NDC1: variants seen among roughly 807,000 people sequenced by gnomAD.
NDC1 encodes the protein NDC1 transmembrane nucleoporin.
In NDC1, 24 loss-of-function variants were observed where a neutral mutation model predicts 89.8. The observed-to-expected ratio is 0.27, with a 90% confidence interval of 0.19 to 0.38. The LOEUF (loss-of-function observed/expected upper bound fraction) is 0.38. Ranked by LOEUF, NDC1 falls within the 10% of genes least tolerant of loss-of-function variation. The probability of loss-of-function intolerance (pLI) is 1.00; values close to 1 mark genes in which losing one functional copy is unlikely to be tolerated. For synonymous variants in NDC1, 296 were observed against 284.8 expected, an observed-to-expected ratio of 1.04 and a Z score of -0.39; for missense variants, 728 against 797.6, an observed-to-expected ratio of 0.91 and a Z score of 1.05.
chr1:53,804,122 GA>G (rs903966869), intron 9 of NDC1, 113 bp from the exon 10 acceptor site: 1,647 of 703,646 alleles, frequency 2.3e-3, no homozygotes, highest in East Asian at 2.7e-3. Flanking sequence ...ACTTTTTCAT[GA>G]AAAAAAAAAT....
chr1:53,824,990 A>G (rs1648797671), intron 5 of NDC1, among the ~76,000 whole-genome samples: 1 of 151,864 alleles, frequency 6.6e-6, no homozygotes, highest in African/African-American at 2.4e-5. Flanking sequence ...CCTGGGCAAC[A>G]TGGAGAAACC....
rs1425903015 is a variant in NDC1, at chr1:53,817,933, T to G, written c.703+1038A>C. Among the ~76,000 whole-genome samples, 3 of 152,196 alleles carry G rather than the reference T, an allele frequency of 2.0e-5. No homozygotes were observed. In the South Asian group the frequency reaches 6.2e-4, roughly 32 times the overall value. On this transcript the variant is annotated intron_variant, in intron 6 of 17. Coordinates refer to ENST00000371429, the MANE Select transcript of NDC1 (RefSeq NM_018087.5). Reference sequence around the variant, plus strand: ...CTATTCATGATACTAAATAATAAACTGATTTTTGTGCTTAATATTCATGTT... The same window carrying G: ...CTATTCATGATACTAAATAATAAACGGATTTTTGTGCTTAATATTCATGTT...
intron 16 of NDC1, among the ~76,000 whole-genome samples, chr1:53,782,218 T>C (rs1397131520): frequency 2.0e-5 from 3 of 152,108 alleles, no homozygotes; most frequent in Admixed American, 6.6e-5. Context: ...ATGGTAGTTA[T>C]AAGAGCAGAG....
intron 16 of NDC1, among the ~76,000 whole-genome samples, chr1:53,779,974 G>A (rs928973635): frequency 6.6e-6 from 1 of 151,990 alleles, no homozygotes; most frequent in African/African-American, 2.4e-5. Context: ...TTCTCCAGGA[G>A]CCATTAATTA....
rs533278865 is a variant in NDC1 at position 53,796,120 on chromosome 1, C to T, written c.1584+569G>A. Among the ~76,000 whole-genome samples the T allele has an allele frequency of 2.0e-5, 3 of 152,330 alleles. No individual in the cohort carries two copies. The East Asian group carries it at 5.8e-4, about 29-fold the overall frequency. ...AATGAGACTTCCCCTTATCACTCCA[C>T]ATAAAATGATACCCTCTCCCTTAGG... On this transcript the variant is annotated intron_variant, in intron 13 of 17. Transcript: ENST00000371429.
intron 13 of NDC1, among the ~76,000 whole-genome samples, chr1:53,794,857 C>G (rs1330694586): frequency 2.0e-5 from 3 of 152,172 alleles, no homozygotes. Flanking sequence ...GCCTGAGCAA[C>G]AGACAGACCA....
Position 53,782,962 on chromosome 1 carries a change from A to G in NDC1, c.1800+4196T>C, listed in dbSNP as rs1371462481. ...AATTTAACGTCTTGATAATTTCAAT[A>G]TAACTGATTTTTTTTCTAATCCTAA... On this transcript the variant is annotated intron_variant, in intron 16 of 17. Transcript: ENST00000371429. Among the ~76,000 whole-genome samples, 3 of 152,336 alleles carry G rather than the reference A, an allele frequency of 2.0e-5. No individual in the cohort carries two copies. The East Asian group carries it at 5.8e-4, about 29-fold the overall frequency.
intron 17 of NDC1, chr1:53,771,049 C>G (rs1014230475): frequency 6.4e-6 from 1 of 155,050 alleles, no homozygotes; most frequent in Admixed American, 6.4e-5. Flanking sequence ...TATCCAGCCA[C>G]TGATTAAGCT....
At chr1:53,790,706 CAAAT>C (rs1382312181) in intron 14 of NDC1, among the ~76,000 whole-genome samples, 11 of 151,956 alleles carry the variant, frequency 7.2e-5, no homozygotes, top group Non-Finnish European at 7.4e-5. Flanking sequence ...GACTTCGTCT[CAAAT>C]AAATAAATAA....
intron 14 of NDC1, 109 bp downstream of exon 14, chr1:53,793,120 T>C (rs563215355): frequency 1.0e-6 from 1 of 963,504 alleles, no homozygotes; most frequent in Non-Finnish European, 1.6e-6. Flanking sequence ...CTGCCTAGCT[T>C]GCTAGGATTA....
At chr1:53,817,113 A>G (rs1648508314) in intron 6 of NDC1, among the ~76,000 whole-genome samples, 1 of 152,244 alleles carries the variant, frequency 6.6e-6, no homozygotes, top group Non-Finnish European at 1.5e-5. Flanking sequence ...TAGAACTACC[A>G]TTTGATCCCG....
At chr1:53,800,378 C>T (rs1647866013) in intron 11 of NDC1, among the ~76,000 whole-genome samples, 2 of 143,748 alleles carry the variant, frequency 1.4e-5, no homozygotes, top group Middle Eastern at 4.0e-3. Context: ...ACTCTGTCGC[C>T]AGGCTGGAGT....
intron 1 of NDC1, among the ~76,000 whole-genome samples, chr1:53,836,451 C>CAA (rs1245566049): frequency 0.023 from 2,158 of 94,128 alleles, 34 homozygotes; most frequent in Middle Eastern, 0.076. Flanking sequence ...CTCTGTCTAA[C>CAA]AAAAAAAAAA....
At chr1:53,837,726 C>A (rs964164150) in intron 1 of NDC1, among the ~76,000 whole-genome samples, 1 of 152,144 alleles carries the variant, frequency 6.6e-6, no homozygotes, top group Non-Finnish European at 1.5e-5. Flanking sequence ...CTGTTAATTC[C>A]GTAACTTTAA....
intron 17 of NDC1, among the ~76,000 whole-genome samples, chr1:53,769,863 G>A (rs1169212200): frequency 1.3e-5 from 2 of 152,220 alleles, no homozygotes; most frequent in African/African-American, 2.4e-5. Flanking sequence ...GTCTAGGTTA[G>A]GAGTATAGAC....
At chr1:53,806,186 T>C (rs1284249779) in intron 9 of NDC1, among the ~76,000 whole-genome samples, 2 of 152,260 alleles carry the variant, frequency 1.3e-5, no homozygotes, top group African/African-American at 4.8e-5. Flanking sequence ...CTTATATCTG[T>C]TTCTGAATAT....
intron 14 of NDC1, among the ~76,000 whole-genome samples, chr1:53,789,853 T>C (rs1488710147): frequency 2.7e-5 from 4 of 149,498 alleles, no homozygotes; most frequent in Non-Finnish European, 5.9e-5. Context: ...CCCGTAATCC[T>C]AGCACTTTGG....
intron 14 of NDC1, among the ~76,000 whole-genome samples, chr1:53,790,290 G>A (rs920925731): frequency 9.9e-5 from 15 of 151,474 alleles, no homozygotes; most frequent in South Asian, 2.1e-4. Flanking sequence ...ACTTGAACCC[G>A]GGAGGCAGAG....
intron 5 of NDC1, among the ~76,000 whole-genome samples, chr1:53,825,460 A>AAAAAAAAAAAAAAAAAAAAAAAAAAAG (rs1039370528): frequency 4.9e-5 from 7 of 142,178 alleles, no homozygotes; most frequent in Non-Finnish European, 1.1e-4. Flanking sequence ...CTCCAAAAAA[A>AAAAAAAAAAAAAAAAAAAAAAAAAAAG]AAGAAGCTAC....
Sources: gnomAD v4.1 joint callset for allele counts (sites outside exome capture counted in the v4.1 genomes callset) on GRCh38, gnomAD v4.1.1 for gene constraint, MANE v1.5 for transcripts, NCBI Gene and HGNC (gene_info 2026-07-23, HGNC 2026-07-21) for gene names.